Variants in APOLD1 observed in about 807,000 individuals in gnomAD.
APOLD1 encodes apolipoprotein L domain containing 1, also known as apolipoprotein L domain-containing protein 1.
A neutral mutation model predicts 15.3 loss-of-function variants in APOLD1; 22 were observed. The ratio of observed to expected loss-of-function variants is 1.44; its 90% CI spans 1.03 to 2.05. The LOEUF (loss-of-function observed/expected upper bound fraction) is 2.05. Ranked by LOEUF, APOLD1 falls within the 30% of genes most tolerant of loss-of-function variation. The pLI is 0.00. For synonymous variants in APOLD1, 190 were observed against 167.4 expected (o/e 1.13, Z -1.04); for missense variants, 394 against 353.5 (o/e 1.11, Z -0.92).
At chr12:12,768,081 G>A (rs972500328) in intron 1 of APOLD1, among the ~76,000 whole-genome samples, 2 of 151,946 alleles carry the variant, frequency 1.3e-5, no homozygotes, top group African/African-American at 4.8e-5. Flanking sequence ...CACCGTGCCC[G>A]GCCTACTATG....
intron 1 of APOLD1, 121 bp from the exon 2 acceptor site, chr12:12,786,788 T>C: frequency 7.7e-7 from 1 of 1,303,252 alleles, no homozygotes; most frequent in East Asian, 3.2e-5. Flanking sequence ...CCCGTTCCCC[T>C]AGCGTGGCAG....
Position 12,787,133 on chromosome 12 carries a change from C to T in APOLD1, c.228C>T (p.Leu76=). 1 of 1,482,022 alleles carries T rather than the reference C, an allele frequency of 6.7e-7. No homozygotes were observed. Among genetic ancestry groups the T allele is most frequent in the South Asian group, 1.3e-5 (1 of 74,202 alleles). 91.8% of individuals were successfully genotyped at this position (1,482,022 alleles called of 1,614,324 possible). ...GALAAIVGLS[L]SPVTLGTSLL... Reference sequence around the variant, plus strand: ...TCGCCGCCATCGTGGGGCTCTCGCTCAGCCCGGTCACCCTGGGGACCTCGC... The same window carrying T: ...TCGCCGCCATCGTGGGGCTCTCGCTTAGCCCGGTCACCCTGGGGACCTCGC... The change falls in exon 2 of 2, where the codon CTC becomes CTT. Residue 76 remains leucine, a synonymous_variant. Coordinates refer to ENST00000356591, the MANE Select transcript of APOLD1 (RefSeq NM_030817.3). The surrounding 1 kb of genome is among the most constrained non-coding windows in gnomAD (Gnocchi z 4.9).
At position 12,754,876 on chromosome 12, in the gene APOLD1, C is replaced by CAAAA. The variant is rs56984147; in HGVS notation, c.96+28798_96+28801dup. Among the ~76,000 whole-genome samples the CAAAA allele has an allele frequency of 6.0e-3, 596 of 98,752 alleles. 12 individuals carry two copies. The highest frequency in any genetic ancestry group is 0.018 in the South Asian group (55 of 3,096). The allele number at this position is 98,752 out of a possible 152,430, so 64.8% of individuals were successfully genotyped here. The stretch of plus-strand genomic sequence containing the variant: ...GAAACATAGTGAGACCTTTGTCTCT[C>CAAAA]AAAAAAAAAAAAAAAAAAAAATTAG... On this transcript the variant is annotated intron_variant, in intron 1 of 1. Transcript: ENST00000326765.
intron 1 of APOLD1, among the ~76,000 whole-genome samples, chr12:12,748,135 C>A (rs1326917401): frequency 6.6e-6 from 1 of 152,180 alleles, no homozygotes; most frequent in Non-Finnish European, 1.5e-5. Flanking sequence ...AAGAAACAAT[C>A]TTTTCATATA....
intron 1 of APOLD1, among the ~76,000 whole-genome samples, chr12:12,768,641 G>T (rs555673174): frequency 6.7e-6 from 1 of 149,544 alleles, no homozygotes; most frequent in East Asian, 2.0e-4. Flanking sequence ...AACACAGCAA[G>T]ACCTCATCTC....
upstream of APOLD1, among the ~76,000 whole-genome samples, chr12:12,781,692 TA>T (rs1357434563): frequency 6.6e-6 from 1 of 151,214 alleles, no homozygotes; most frequent in Non-Finnish European, 1.5e-5. Flanking sequence ...CATGCCCGGC[TA>T]ATTTTTTGTA....
intron 1 of APOLD1, among the ~76,000 whole-genome samples, chr12:12,777,897 T>TG (rs1947048436): frequency 5.1e-5 from 1 of 19,692 alleles, no homozygotes; most frequent in African/African-American, 1.3e-4. Flanking sequence ...GTGTTTTTTT[T>TG]TTTTTTTTTT....
At chr12:12,734,274 G>C (rs1396456656) in intron 1 of APOLD1, among the ~76,000 whole-genome samples, 2 of 152,174 alleles carry the variant, frequency 1.3e-5, no homozygotes, top group Non-Finnish European at 2.9e-5. Context: ...TTTGGCACTT[G>C]GCACACTCAG....
upstream of APOLD1, among the ~76,000 whole-genome samples, chr12:12,783,373 T>C (rs1442252922): frequency 6.6e-6 from 1 of 151,850 alleles, no homozygotes; most frequent in Admixed American, 6.6e-5. Context: ...TGCAGCGGTG[T>C]GATCTCGGCT....
At chr12:12,750,144 G>A (rs557603374) in intron 1 of APOLD1, among the ~76,000 whole-genome samples, 3 of 152,170 alleles carry the variant, frequency 2.0e-5, no homozygotes, top group South Asian at 2.1e-4. Flanking sequence ...AGGCCGAGGC[G>A]GGCGGATCAC....
chr12:12,726,178 AAAGAGGAAATAG>A, intron 1 of APOLD1: 1 of 919,136 alleles, frequency 1.1e-6, no homozygotes, highest in Non-Finnish European at 1.6e-6. Context: ...AAAAAAAAAA[AAAGAGGAAATAG>A]AGGAAAAATG....
upstream of APOLD1, among the ~76,000 whole-genome samples, chr12:12,782,013 C>G (rs992422218): frequency 6.6e-6 from 1 of 151,326 alleles, no homozygotes; most frequent in South Asian, 2.1e-4. Flanking sequence ...AATCCTAGCA[C>G]TTTGGGAGGC....
chr12:12,787,842 T>A lies in APOLD1; in HGVS notation c.*190T>A. 1.3e-6 allele frequency: 1 copy of A among 780,830 alleles called. No individual in the cohort carries two copies. The highest frequency in any genetic ancestry group is 2.0e-5 in the South Asian group (1 of 49,912). The allele number at this position is 780,830 out of a possible 1,614,324, so 48.4% of individuals were successfully genotyped here. A position where few individuals can be genotyped will look rare whatever the true frequency, so the allele number is the denominator to read the frequency against. On this transcript the variant is annotated 3_prime_UTR_variant, in exon 2 of 2. Transcript: ENST00000356591. This position sits in a 1 kb window ranked among gnomAD's most constrained non-coding sequence, Gnocchi z 4.9. ...CATCACTGTGACATCTGCCTGGGCT[T>A]GAGTGCTACGGACTTTTCAGTCTTC...
chr12:12,787,123 G>GGCTCTC lies in APOLD1; in HGVS notation c.223_228dup (p.Leu76_Ser77dup), dbSNP rs745376818. On this transcript the variant is annotated inframe_insertion, in exon 2 of 2. Coordinates refer to ENST00000356591, the MANE Select transcript of APOLD1 (RefSeq NM_030817.3). The surrounding 1 kb of genome is among the most constrained non-coding windows in gnomAD (Gnocchi z 4.9). ...ACGGGCGCCCTCGCCGCCATCGTGG[G>GGCTCTC]GCTCTCGCTCAGCCCGGTCACCCTG... The GGCTCTC allele has an allele frequency of 8.1e-5, 118 of 1,450,922 alleles. 1 individual carries two copies. The African/African-American group carries it at 1.6e-3, about 20-fold the overall frequency. The allele number at this position is 1,450,922 out of a possible 1,614,324, so 89.9% of individuals were successfully genotyped here.
At chr12:12,758,383 A>G (rs1946874272) in intron 1 of APOLD1, among the ~76,000 whole-genome samples, 1 of 152,020 alleles carries the variant, frequency 6.6e-6, no homozygotes, top group African/African-American at 2.4e-5. Flanking sequence ...TGTCCGTACT[A>G]AAAATACAAA....
chr12:12,730,612 C>T (rs1273647086), intron 1 of APOLD1, among the ~76,000 whole-genome samples: 5 of 139,096 alleles, frequency 3.6e-5, no homozygotes, highest in African/African-American at 1.4e-4. Flanking sequence ...ACCTGGGAGG[C>T]AGAGGTTGCA....
At chr12:12,734,204 A>G (rs1395080497) in intron 1 of APOLD1, among the ~76,000 whole-genome samples, 1 of 152,186 alleles carries the variant, frequency 6.6e-6, no homozygotes, top group East Asian at 1.9e-4. Context: ...AGGTTATTCC[A>G]TCTTTTTGCC....
intron 1 of APOLD1, among the ~76,000 whole-genome samples, chr12:12,747,457 C>T (rs58275130): frequency 0.041 from 6,293 of 152,228 alleles, 324 homozygotes; most frequent in East Asian, 0.15. Flanking sequence ...TCCACTTTCC[C>T]CTTTGGAATC....
intron 1 of APOLD1, among the ~76,000 whole-genome samples, chr12:12,733,196 C>T (rs1265120152): frequency 6.6e-6 from 1 of 151,332 alleles, no homozygotes; most frequent in African/African-American, 2.4e-5. Context: ...TATGGTGGCA[C>T]AGGCCTGTAG....
Sources: allele counts gnomAD v4.1 joint callset (sites outside exome capture counted in the v4.1 genomes callset), GRCh38; gene constraint gnomAD v4.1.1; non-coding constraint Gnocchi (gnomAD v3.1); transcripts MANE v1.5; gene names NCBI Gene and HGNC (gene_info 2026-07-23, HGNC 2026-07-21).